TENT4B: variants seen among roughly 807,000 people sequenced by gnomAD.
TENT4B encodes PAP associated domain containing 5.
TENT4B carries 10 observed loss-of-function variants against 75.0 expected under a neutral mutation model. That is an observed-to-expected ratio of 0.13 (90% confidence interval 0.08 to 0.23). The LOEUF (loss-of-function observed/expected upper bound fraction) is 0.23, where lower values mean the gene tolerates loss of function less well. TENT4B is among the 10% of genes least tolerant of loss of function. TENT4B has a pLI of 1.00. For synonymous variants in TENT4B, 350 were observed against 357.7 expected (o/e 0.98, Z 0.24); for missense variants, 579 against 893.8 (o/e 0.65, Z 4.49).
chr16:50,217,643 C>T lies in TENT4B; in HGVS notation c.1018C>T (p.Leu340Phe). The change falls in exon 5 of 12, where the codon CTC becomes TTC. Residue 340 changes from leucine (L) to phenylalanine (F), a missense_variant. Physicochemically the swap from Leu to Phe is conservative, Grantham distance 22. Around this residue, in one of 7 missense-constraint regions of TENT4B, gnomAD observed 55 missense variants for 77.1 expected, o/e 0.71. Coordinates refer to ENST00000561678, the MANE Select transcript of TENT4B (RefSeq NM_001365324.3). ...ACAGAATGGCGTGAGAGCAGCTGAC[C>T]TCATCAAAGATTTTACCAAGGTCAG... ...NVQNGVRAAD[L>F]IKDFTKKYPV... 2 of 1,526,734 alleles carry T rather than the reference C, an allele frequency of 1.3e-6. No individual in the cohort carries two copies. Among genetic ancestry groups the T allele is most frequent in the Non-Finnish European group, 1.8e-6 (2 of 1,139,184 alleles). 94.6% of individuals were successfully genotyped at this position (1,526,734 alleles called of 1,614,324 possible).
rs2032209215 is a variant in TENT4B at position 50,229,554 on chromosome 16, C to G, written c.*226C>G. On this transcript the variant is annotated 3_prime_UTR_variant, in exon 12 of 12. Transcript: ENST00000561678. ...AAGCAAAAAAGAGGGAAAAAAAAGGCTGCTTATTTGATAAGTCATATGCTA... is the reference window on the plus strand; with the variant it reads ...AAGCAAAAAAGAGGGAAAAAAAAGGGTGCTTATTTGATAAGTCATATGCTA... 8.0e-7 allele frequency: 1 copy of G among 1,257,326 alleles called. No individual in the cohort carries two copies. 77.9% of individuals were successfully genotyped at this position (1,257,326 alleles called of 1,614,324 possible).
rs1478972947 is a variant in TENT4B, at chr16:50,154,208, T to G, written c.587T>G (p.Val196Gly). ...GGCCGAGCAGACGGCGGCGGGGTCG[T>G]GTACAGCGGGACCCCGTGGAAACGG... ...GGGRADGGGVVYSGTPWKRRN... is the reference protein window; with the variant it reads ...GGGRADGGGVGYSGTPWKRRN... The change falls in exon 1 of 12, where the codon GTG (valine) becomes GGG (glycine). Residue 196 changes from valine (V) to glycine (G), a missense_variant. Transcript: ENST00000561678. 3 of 1,495,222 alleles carry G rather than the reference T, an allele frequency of 2.0e-6. No homozygotes were observed. The East Asian group carries it at 7.7e-5, about 38-fold the overall frequency. The allele number at this position is 1,495,222 out of a possible 1,614,324, so 92.6% of individuals were successfully genotyped here.
intron 1 of TENT4B, among the ~76,000 whole-genome samples, chr16:50,167,990 G>A (rs2038135091): frequency 6.6e-6 from 1 of 151,850 alleles, no homozygotes; most frequent in Non-Finnish European, 1.5e-5. Context: ...ATGGTGTGAG[G>A]TAGAGGTCCC....
chr16:50,211,176 C>A, intron 1 of TENT4B, 147 bp from the exon 2 acceptor site: 1 of 849,894 alleles, frequency 1.2e-6, no homozygotes, highest in Non-Finnish European at 1.7e-6. Context: ...TCTGTACATT[C>A]CCATTTTAGC....
intron 1 of TENT4B, among the ~76,000 whole-genome samples, chr16:50,198,008 G>C (rs944983911): frequency 4.6e-5 from 7 of 151,604 alleles, no homozygotes; most frequent in African/African-American, 1.7e-4. Context: ...CATGTTATTT[G>C]ATCTTATTTT....
chr16:50,161,021 G>A (rs2037994166), intron 1 of TENT4B, among the ~76,000 whole-genome samples: 1 of 152,194 alleles, frequency 6.6e-6, no homozygotes, highest in African/African-American at 2.4e-5. Context: ...TTCCTACAGA[G>A]CTGACTGGAC....
At chr16:50,165,159 A>G (rs149992917) in intron 1 of TENT4B, among the ~76,000 whole-genome samples, 1 of 151,908 alleles carries the variant, frequency 6.6e-6, no homozygotes, top group East Asian at 1.9e-4. Context: ...CCTTGTATTC[A>G]TAGTACATAT....
chr16:50,183,391 G>A (rs986402776), intron 1 of TENT4B, among the ~76,000 whole-genome samples: 1 of 151,848 alleles, frequency 6.6e-6, no homozygotes, highest in Non-Finnish European at 1.5e-5. Context: ...ATTTTTGCCT[G>A]GTGTGTTCAT....
chr16:50,229,380 A>C lies in TENT4B; in HGVS notation c.*52A>C. ...TCTGTGCAATGATCTCATGCTCAGG[A>C]CAGTTGCGCAGGGACTCCTGGGAGA... On this transcript the variant is annotated 3_prime_UTR_variant, in exon 12 of 12. Transcript: ENST00000561678. 6.4e-7 allele frequency: 1 copy of C among 1,552,980 alleles called. No homozygotes were observed. The highest frequency in any genetic ancestry group is 8.7e-7 in the Non-Finnish European group (1 of 1,153,558).
intron 1 of TENT4B, among the ~76,000 whole-genome samples, chr16:50,160,985 A>G (rs2037993478): frequency 6.6e-6 from 1 of 152,190 alleles, no homozygotes; most frequent in Non-Finnish European, 1.5e-5. Flanking sequence ...ATTAGAGACT[A>G]GTTACCAGCA....
intron 1 of TENT4B, among the ~76,000 whole-genome samples, chr16:50,162,231 C>T (rs1481246811): frequency 6.6e-6 from 1 of 152,014 alleles, no homozygotes; most frequent in Non-Finnish European, 1.5e-5. Flanking sequence ...GGGTGGTTTC[C>T]AGTTTTTTGG....
At chr16:50,208,752 A>G (rs1234714958) in intron 1 of TENT4B, among the ~76,000 whole-genome samples, 3 of 150,216 alleles carry the variant, frequency 2.0e-5, no homozygotes, top group East Asian at 3.9e-4. Context: ...TTTTTTTTTG[A>G]GACAAAGTCT....
At chr16:50,192,813 G>C (rs1046289422) in intron 1 of TENT4B, among the ~76,000 whole-genome samples, 1 of 152,130 alleles carries the variant, frequency 6.6e-6, no homozygotes, top group Non-Finnish European at 1.5e-5. Flanking sequence ...CAGGCCAGGC[G>C]TGGTGGCTCA....
intron 1 of TENT4B, among the ~76,000 whole-genome samples, chr16:50,180,357 C>T (rs896380000): frequency 3.3e-5 from 5 of 152,162 alleles, no homozygotes; most frequent in African/African-American, 1.2e-4. Context: ...CCTGCCTCAG[C>T]CTCCCAGAGT....
In TENT4B at chr16:50,153,841, T is replaced by TCGGCCC. The variant is rs755395130; in HGVS notation, c.238_243dup (p.Pro80_Ala81dup). 154 of 1,273,328 alleles carry TCGGCCC rather than the reference T, an allele frequency of 1.2e-4. No individual in the cohort carries two copies. The highest frequency in any genetic ancestry group is 3.8e-4 in the African/African-American group (24 of 63,942). The allele number at this position is 1,273,328 out of a possible 1,614,324, so 78.9% of individuals were successfully genotyped here. On this transcript the variant is annotated inframe_insertion, in exon 1 of 12. Transcript: ENST00000561678. ...CACCGGCAGCCCCGGCGGCGCGGCCTCGGCCCCGGCCCCGGCCCCGGCCGG... is the reference window on the plus strand; with the variant it reads ...CACCGGCAGCCCCGGCGGCGCGGCCTCGGCCCCGGCCCCGGCCCCGGCCCCGGCCGG...
intron 1 of TENT4B, among the ~76,000 whole-genome samples, chr16:50,161,188 A>G (rs1429508344): frequency 6.6e-6 from 1 of 152,166 alleles, no homozygotes; most frequent in Non-Finnish European, 1.5e-5. Context: ...TTTGTAAGAG[A>G]TTATATATAT....
intron 2 of TENT4B, 97 bp downstream of exon 2, chr16:50,211,543 T>C (rs1050067769): frequency 6.7e-6 from 9 of 1,349,748 alleles, no homozygotes; most frequent in Non-Finnish European, 7.7e-6. Flanking sequence ...CACATGCAAG[T>C]AGAAGTGCTC....
chr16:50,165,930 A>G (rs2038091310), intron 1 of TENT4B, among the ~76,000 whole-genome samples: 1 of 152,134 alleles, frequency 6.6e-6, no homozygotes, highest in African/African-American at 2.4e-5. Flanking sequence ...TTTCTTGGGT[A>G]TATACTTAAG....
Position 50,207,430 on chromosome 16 carries a change from G to A in TENT4B, c.639-3893G>A, listed in dbSNP as rs528978053. 3.8e-4 allele frequency among the ~76,000 whole-genome samples: 58 copies of A among 152,016 alleles called. 1 individual carries two copies. In the South Asian group the frequency reaches 9.3e-3, roughly 24 times the overall value. On this transcript the variant is annotated intron_variant, in intron 1 of 11. Coordinates refer to ENST00000561678, the MANE Select transcript of TENT4B (RefSeq NM_001365324.3). ...ACTCCTGGACTCAAGCGATCCACCCGCCTCAGCCTCACAAAATGCTAGGGT... is the reference window on the plus strand; with the variant it reads ...ACTCCTGGACTCAAGCGATCCACCCACCTCAGCCTCACAAAATGCTAGGGT...
Sources: allele counts gnomAD v4.1 joint callset (sites outside exome capture counted in the v4.1 genomes callset), GRCh38; gene constraint gnomAD v4.1.1; regional missense constraint gnomAD v4.1.1; transcripts MANE v1.5; gene names NCBI Gene and HGNC (gene_info 2026-07-23, HGNC 2026-07-21).